Variants in GPR107 observed in about 807,000 individuals in gnomAD.
GPR107 encodes G protein-coupled receptor 107.
A neutral mutation model predicts 75.5 loss-of-function variants in GPR107; 31 were observed. The ratio of observed to expected loss-of-function variants is 0.41; its 90% CI spans 0.31 to 0.55. GPR107 has a LOEUF of 0.55. GPR107 is among the 20% of genes least tolerant of loss of function. The pLI is 0.26. For missense variants in GPR107, 572 were observed against 665.7 expected (o/e 0.86, Z 1.55); for synonymous variants, 267 against 251.3 (o/e 1.06, Z -0.59).
chr9:130,084,056 A>ATATATATATATATG (rs1830555490), intron 6 of GPR107, among the ~76,000 whole-genome samples: 1 of 146,940 alleles, frequency 6.8e-6, no homozygotes. Context: ...ACATATATAT[A>ATATATATATATATG]TATATATATA....
At chr9:130,106,785 T>G (rs1358286805) in intron 13 of GPR107, among the ~76,000 whole-genome samples, 2 of 152,014 alleles carry the variant, frequency 1.3e-5, no homozygotes, top group Non-Finnish European at 2.9e-5. Context: ...AGTAATTGAT[T>G]TGCTGACAAG....
intron 1 of GPR107, among the ~76,000 whole-genome samples, chr9:130,056,344 C>CA (rs3055639): frequency 2.6e-5 from 4 of 152,134 alleles, no homozygotes; most frequent in Middle Eastern, 6.8e-3. Flanking sequence ...CCCAGCTACT[C>CA]GGGGCTGAGG....
At chr9:130,066,995 A>T (rs1168484669) in intron 1 of GPR107, among the ~76,000 whole-genome samples, 1 of 152,104 alleles carries the variant, frequency 6.6e-6, no homozygotes, top group African/African-American at 2.4e-5. Context: ...CCAAAAAAAA[A>T]AAAAGAGCTT....
At chr9:130,123,435 C>T (rs1271887331) in intron 14 of GPR107, among the ~76,000 whole-genome samples, 1 of 152,014 alleles carries the variant, frequency 6.6e-6, no homozygotes, top group Non-Finnish European at 1.5e-5. Flanking sequence ...AACTCCTGAC[C>T]TCATGATCCA....
chr9:130,070,959 C>T (rs1205806595), intron 1 of GPR107, among the ~76,000 whole-genome samples: 1 of 151,376 alleles, frequency 6.6e-6, no homozygotes, highest in Non-Finnish European at 1.5e-5. Context: ...CCTCAAGTGA[C>T]CCTCCCACCT....
At chr9:130,054,757 A>C (rs1212695275) in intron 1 of GPR107, among the ~76,000 whole-genome samples, 3 of 152,138 alleles carry the variant, frequency 2.0e-5, no homozygotes, top group South Asian at 2.1e-4. Flanking sequence ...GCTGAAACGC[A>C]CCCTAAGGTG....
intron 14 of GPR107, among the ~76,000 whole-genome samples, chr9:130,109,266 G>C (rs1208907447): frequency 6.6e-6 from 1 of 152,026 alleles, no homozygotes; most frequent in African/African-American, 2.4e-5. Flanking sequence ...TGCCTTCTGG[G>C]TTCAAGCGAT....
intron 7 of GPR107, among the ~76,000 whole-genome samples, chr9:130,087,264 C>G (rs1830635116): frequency 6.6e-6 from 1 of 152,068 alleles, no homozygotes; most frequent in Admixed American, 6.5e-5. Flanking sequence ...TCTTGAACTC[C>G]TGGGATCAAG....
chr9:130,128,450 C>A (rs947381017), intron 16 of GPR107, among the ~76,000 whole-genome samples, 190 bp from the exon 17 acceptor site: 5 of 152,174 alleles, frequency 3.3e-5, no homozygotes, highest in Non-Finnish European at 7.3e-5. Flanking sequence ...AATGTCAGCC[C>A]TGGGCAGGAC....
intron 5 of GPR107, among the ~76,000 whole-genome samples, chr9:130,081,893 CA>C (rs1162507592): frequency 3.9e-5 from 6 of 151,934 alleles, no homozygotes; most frequent in Non-Finnish European, 7.4e-5. Context: ...ACAACAACAA[CA>C]AAAAAAGAAG....
intron 1 of GPR107, among the ~76,000 whole-genome samples, chr9:130,063,670 T>A (rs918430348): frequency 4.3e-4 from 65 of 152,272 alleles, no homozygotes; most frequent in African/African-American, 1.5e-3. Context: ...TGTAGTATAA[T>A]AAAATATTTG....
chr9:130,107,036 A>AAAAT (rs1831175872), intron 13 of GPR107, among the ~76,000 whole-genome samples: 1 of 152,198 alleles, frequency 6.6e-6, no homozygotes, highest in African/African-American at 2.4e-5. Flanking sequence ...AGCAGTGTTA[A>AAAAT]AAATCTCCAC....
At chr9:130,097,854 G>T (rs781442047) in intron 9 of GPR107, among the ~76,000 whole-genome samples, 1 of 151,182 alleles carries the variant, frequency 6.6e-6, no homozygotes, top group East Asian at 2.0e-4. Context: ...CTATAGGGAC[G>T]CACCACCACT....
At chr9:130,066,411 GAC>G in intron 1 of GPR107, among the ~76,000 whole-genome samples, 1 of 2,372 alleles carries the variant, frequency 4.2e-4, no homozygotes, top group African/African-American at 5.1e-4. Context: ...TGATGATGAC[GAC>G]GATGATGATG....
chr9:130,095,233 T>C (rs146989912), intron 9 of GPR107, among the ~76,000 whole-genome samples: 189 of 152,216 alleles, frequency 1.2e-3, no homozygotes, highest in African/African-American at 4.4e-3. Context: ...CCTAAGATAA[T>C]GTGTATGAGA....
chr9:130,075,808 A>C, intron 2 of GPR107, 59 bp downstream of exon 2: 2 of 757,050 alleles, frequency 2.6e-6, no homozygotes, highest in Non-Finnish European at 4.3e-6. Flanking sequence ...TTTGAGATGG[A>C]GTCTTGCTCT....
At chr9:130,113,538 C>T (rs78047653) in intron 14 of GPR107, among the ~76,000 whole-genome samples, 11,969 of 152,200 alleles carry the variant, frequency 0.079, 607 homozygotes, top group East Asian at 0.14. Context: ...GCCAGTTTCC[C>T]AGTTCTTATA....
intron 17 of GPR107, among the ~76,000 whole-genome samples, chr9:130,133,432 T>C (rs1309264582): frequency 3.3e-5 from 5 of 152,234 alleles, no homozygotes; most frequent in Admixed American, 2.6e-4. Flanking sequence ...GGAGTGTTTC[T>C]GGAAGACGTG....
At chr9:130,110,796 C>T (rs949465250) in intron 14 of GPR107, among the ~76,000 whole-genome samples, 4 of 152,252 alleles carry the variant, frequency 2.6e-5, no homozygotes, top group Middle Eastern at 3.4e-3. Flanking sequence ...TGCTTCCAGT[C>T]GCTGGTGCTG....
Sources: gnomAD v4.1 joint callset for allele counts (sites outside exome capture counted in the v4.1 genomes callset) on GRCh38, gnomAD v4.1.1 for gene constraint, MANE v1.5 for transcripts, NCBI Gene and HGNC (gene_info 2026-07-23, HGNC 2026-07-21) for gene names.